DIPK1C: variants seen among roughly 807,000 people sequenced by gnomAD.
DIPK1C encodes familial non-conventional Alzheimer's dementia.
DIPK1C carries 33 observed loss-of-function variants against 28.0 expected under a neutral mutation model. That is an observed-to-expected ratio of 1.18 (90% CI 0.89 to 1.58). The LOEUF (loss-of-function observed/expected upper bound fraction) is 1.58, where lower values mean the gene tolerates loss of function less well. Among genes scored for constraint, DIPK1C ranks in the 40% most tolerant of loss-of-function variants. The pLI, the probability that DIPK1C is intolerant of heterozygous loss-of-function variation, is 0.00. For synonymous variants in DIPK1C, 255 were observed against 248.8 expected (o/e 1.02, Z -0.23); for missense variants, 569 against 568.5 (o/e 1.00, Z -0.01).
chr18:74,458,603 G>GGGGTTTGGGTGTCACTCAATCAACAGCA (rs71168489), upstream of DIPK1C, among the ~76,000 whole-genome samples: 103,996 of 132,314 alleles, frequency 0.79, 42,399 homozygotes, highest in East Asian at 0.98. Context: ...ACAGACCCTT[G>GGGGTTTGGGTGTCACTCAATCAACAGCA]GGGTTTGGGT....
At chr18:74,440,871 G>C (rs1157776665) in intron 3 of DIPK1C, among the ~76,000 whole-genome samples, 1 of 152,240 alleles carries the variant, frequency 6.6e-6, no homozygotes, top group African/African-American at 2.4e-5. Context: ...CCACATTAAA[G>C]AGGCTGGGAT....
At chr18:74,456,642 C>T (rs1221643223) in intron 1 of DIPK1C, among the ~76,000 whole-genome samples, 1 of 152,188 alleles carries the variant, frequency 6.6e-6, no homozygotes, top group Admixed American at 6.5e-5. Flanking sequence ...CGCTGCGGAC[C>T]CGAGAGACAG....
rs369830045 is a variant in DIPK1C, at chr18:74,441,972, G to T, written c.1021C>A (p.Arg341Ser). The T allele has an allele frequency of 1.9e-6, 3 of 1,613,898 alleles. No homozygotes were observed. Among genetic ancestry groups the T allele is most frequent in the Non-Finnish European group, 1.7e-6 (2 of 1,179,866 alleles). Reference sequence around the variant, plus strand: ...CATACCTGCAGGTTGTTGTTTACGCGCTGCGCTCCGCATTTGTTGACTCGT... The same window carrying T: ...CATACCTGCAGGTTGTTGTTTACGCTCTGCGCTCCGCATTTGTTGACTCGT... ...DLRVNKCGAQ[R>S]VNNNLQVICD... The change falls in exon 3 of 4, where the codon CGC becomes AGC. Residue 341 changes from arginine (R) to serine (S), a missense_variant. Coordinates refer to ENST00000343998, the MANE Select transcript of DIPK1C (RefSeq NM_001044369.3).
At chr18:74,453,929 C>G (rs7239814) in intron 1 of DIPK1C, among the ~76,000 whole-genome samples, 6,558 of 152,212 alleles carry the variant, frequency 0.043, 184 homozygotes, top group East Asian at 0.13. Flanking sequence ...CGAAACAATT[C>G]GCACAGTGCC....
intron 2 of DIPK1C, among the ~76,000 whole-genome samples, chr18:74,443,547 T>C (rs1986192187): frequency 6.6e-6 from 1 of 152,216 alleles, no homozygotes; most frequent in Non-Finnish European, 1.5e-5. Context: ...GGCAATGAAG[T>C]TTCTTAGGGA....
At chr18:74,460,725 C>T (rs187290456), upstream of DIPK1C, among the ~76,000 whole-genome samples, 1 of 152,364 alleles carries the variant, frequency 6.6e-6, no homozygotes, top group Non-Finnish European at 1.5e-5. Context: ...CTGCTGTGAT[C>T]TCCCAGCCAT....
chr18:74,464,093 C>T, the DIPK1C span, among the ~76,000 whole-genome samples: 4 of 152,192 alleles, frequency 2.6e-5, no homozygotes, highest in African/African-American at 9.7e-5. Context: ...CCCCTTTAAT[C>T]TCAGCTCTCC....
upstream of DIPK1C, among the ~76,000 whole-genome samples, chr18:74,461,932 A>C (rs1986624017): frequency 6.6e-6 from 1 of 151,468 alleles, no homozygotes; most frequent in Admixed American, 6.6e-5. Context: ...ATTGAAAAAA[A>C]AACTTTTTTG....
At chr18:74,450,255 T>G (rs1351922467) in intron 1 of DIPK1C, among the ~76,000 whole-genome samples, 1 of 152,172 alleles carries the variant, frequency 6.6e-6, no homozygotes, top group Admixed American at 6.5e-5. Flanking sequence ...AAAAAAAGCT[T>G]CTGTAAGCAT....
chr18:74,438,973 G>A (rs1419975285), intron 3 of DIPK1C, among the ~76,000 whole-genome samples: 1 of 152,246 alleles, frequency 6.6e-6, no homozygotes, highest in Non-Finnish European at 1.5e-5. Context: ...AGCCCCAGCA[G>A]CAGGGAATAA....
chr18:74,444,690 G>T (rs1986219770), intron 2 of DIPK1C, among the ~76,000 whole-genome samples: 1 of 152,144 alleles, frequency 6.6e-6, no homozygotes, highest in Admixed American at 6.5e-5. Flanking sequence ...GAACCTCAGG[G>T]TCTGCAAGAA....
In DIPK1C at chr18:74,446,932, G is replaced by T; in HGVS notation, c.550C>A (p.Leu184Met). 4 of 1,501,180 alleles carry T rather than the reference G, an allele frequency of 2.7e-6. No homozygotes were observed. The South Asian group carries it at 5.2e-5, about 20-fold the overall frequency. 93.0% of individuals were successfully genotyped at this position (1,501,180 alleles called of 1,614,324 possible). ...GRRGPRWRGQ[L>M]ASLWALLQQE... ...TGCAGCAGGGCCCACAGGCTGGCCA[G>T]CTGTCCCCGCCAGCGTGGGCCCCGC... The change falls in exon 2 of 4, where the codon CTG becomes ATG. Residue 184 changes from leucine to methionine, a missense_variant. Physicochemically the swap from Leu to Met is conservative, Grantham distance 15. Transcript: ENST00000343998.
At position 74,451,358 on chromosome 18, in the gene DIPK1C, C is replaced by A. The variant is rs1274251204; in HGVS notation, c.199-4075G>T. ...TCCTACCCGGCCTGGCCAAATCAAC[C>A]TTTGCCCGGAAGCCAGTCCCACCCC... On this transcript the variant is annotated intron_variant, in intron 1 of 3. Transcript: ENST00000343998. 3.3e-5 allele frequency among the ~76,000 whole-genome samples: 5 copies of A among 152,132 alleles called. No individual in the cohort carries two copies. In the East Asian group the frequency reaches 9.7e-4, roughly 29 times the overall value.
At chr18:74,460,704 T>C (rs1271362302), upstream of DIPK1C, among the ~76,000 whole-genome samples, 1 of 152,236 alleles carries the variant, frequency 6.6e-6, no homozygotes, top group Admixed American at 6.5e-5. Flanking sequence ...TTGAAAGACT[T>C]ATTGCTTCGT....
At chr18:74,448,012 G>A (rs1010412872) in intron 1 of DIPK1C, among the ~76,000 whole-genome samples, 1 of 152,070 alleles carries the variant, frequency 6.6e-6, no homozygotes, top group Admixed American at 6.5e-5. Flanking sequence ...AGGAGCCCCC[G>A]GATGGGGTGT....
chr18:74,456,606 A>G (rs1457052918), intron 1 of DIPK1C, among the ~76,000 whole-genome samples: 1 of 152,178 alleles, frequency 6.6e-6, no homozygotes, highest in African/African-American at 2.4e-5. Flanking sequence ...TCAGGGTGGA[A>G]TCACAGAACG....
Position 74,446,941 on chromosome 18 carries a change from G to T in DIPK1C, c.541C>A (p.Arg181=), listed in dbSNP as rs944321376. The T allele has an allele frequency of 6.7e-7, 1 of 1,501,398 alleles. No individual in the cohort carries two copies. The highest frequency in any genetic ancestry group is 8.9e-7 in the Non-Finnish European group (1 of 1,120,240). 93.0% of individuals were successfully genotyped at this position (1,501,398 alleles called of 1,614,324 possible). Residue 181 remains arginine, a synonymous_variant, in exon 2 of 4, where the codon CGG becomes AGG. Transcript: ENST00000343998. ...WWPGRRGPRW[R]GQLASLWALL... ...GCCCACAGGCTGGCCAGCTGTCCCCGCCAGCGTGGGCCCCGCCTGCCCGGC... is the reference window on the plus strand; with the variant it reads ...GCCCACAGGCTGGCCAGCTGTCCCCTCCAGCGTGGGCCCCGCCTGCCCGGC...
chr18:74,442,619 G>C (rs376783616), intron 2 of DIPK1C, among the ~76,000 whole-genome samples: 1 of 152,184 alleles, frequency 6.6e-6, no homozygotes, highest in African/African-American at 2.4e-5. Context: ...ATGAGCCACC[G>C]TGCCCGGCCG....
upstream of DIPK1C, among the ~76,000 whole-genome samples, chr18:74,462,373 C>G (rs1199196556): frequency 6.6e-6 from 1 of 152,220 alleles, no homozygotes; most frequent in Non-Finnish European, 1.5e-5. Context: ...TCACTTAATG[C>G]TTTTCAGGGT....
Sources: gnomAD v4.1 joint callset for allele counts (sites outside exome capture counted in the v4.1 genomes callset) on GRCh38, gnomAD v4.1.1 for gene constraint, MANE v1.5 for transcripts, NCBI Gene and HGNC (gene_info 2026-07-23, HGNC 2026-07-21) for gene names.